Variants in TRPC6 observed in about 807,000 individuals in gnomAD.
TRPC6 encodes short transient receptor potential channel 6.
TRPC6 carries 55 observed loss-of-function variants against 90.7 expected under a neutral mutation model. The observed-to-expected ratio is 0.61, with a 90% CI of 0.49 to 0.76. The LOEUF is 0.76. TRPC6 is among the 30% of genes least tolerant of loss of function. The probability of loss-of-function intolerance (pLI) is 0.00; values close to 1 mark genes in which losing one functional copy is unlikely to be tolerated. For missense variants in TRPC6, 989 were observed against 1,122.7 expected, an observed-to-expected ratio of 0.88 and a Z score of 1.70; for synonymous variants, 393 against 393.0, an observed-to-expected ratio of 1.00 and a Z score of 0.00.
At chr11:101,475,677 CT>C (rs11295537) in intron 6 of TRPC6, among the ~76,000 whole-genome samples, 34,206 of 151,866 alleles carry the variant, frequency 0.23, 6,176 homozygotes, top group African/African-American at 0.51. Context: ...CCTTCTACTT[CT>C]TTGAGTTTGA....
At chr11:101,486,178 A>G (rs931353416) in intron 4 of TRPC6, among the ~76,000 whole-genome samples, 1 of 152,010 alleles carries the variant, frequency 6.6e-6, no homozygotes, top group African/African-American at 2.4e-5. Flanking sequence ...CGTAGCCTTT[A>G]TTTTTCTTAC....
intron 10 of TRPC6, among the ~76,000 whole-genome samples, chr11:101,465,836 T>C (rs1168494586): frequency 2.0e-5 from 3 of 152,150 alleles, no homozygotes; most frequent in Admixed American, 2.0e-4. Flanking sequence ...CCCTTGGTGG[T>C]GGGGAGTTGT....
rs148233629 is a variant in TRPC6, at chr11:101,486,890, T to C, written c.1293+2047A>G. Among the ~76,000 whole-genome samples the C allele has an allele frequency of 3.9e-3, 595 of 152,220 alleles. 2 individuals carry two copies. The highest frequency in any genetic ancestry group is 0.014 in the African/African-American group (571 of 41,564). On this transcript the variant is annotated intron_variant, in intron 4 of 12. Coordinates refer to ENST00000344327, the MANE Select transcript of TRPC6 (RefSeq NM_004621.6). Reference sequence around the variant, plus strand: ...GCAAATGGAAAACTGTAAAATAGATTTTATCATCATGCTTCAAAGATAAAA... The same window carrying C: ...GCAAATGGAAAACTGTAAAATAGATCTTATCATCATGCTTCAAAGATAAAA...
intron 1 of TRPC6, among the ~76,000 whole-genome samples, chr11:101,582,869 C>A (rs1862229157): frequency 6.6e-6 from 1 of 152,114 alleles, no homozygotes; most frequent in Admixed American, 6.5e-5. Flanking sequence ...CCGCCGGGCG[C>A]ACCCAGCACC....
intron 1 of TRPC6, among the ~76,000 whole-genome samples, chr11:101,544,543 T>C (rs1471281084): frequency 3.9e-5 from 6 of 152,156 alleles, no homozygotes; most frequent in African/African-American, 1.4e-4. Flanking sequence ...TGGAATAGTA[T>C]GCAGCCATAA....
chr11:101,505,698 C>T (rs1036505435), intron 1 of TRPC6, among the ~76,000 whole-genome samples: 2 of 152,092 alleles, frequency 1.3e-5, no homozygotes, highest in African/African-American at 2.4e-5. Flanking sequence ...CAGCCTTCAA[C>T]GTAGTCCTTC....
At position 101,491,689 on chromosome 11, in the gene TRPC6, A is replaced by G. The variant is rs1258343510; in HGVS notation, c.995T>C (p.Leu332Pro). Residue 332 changes from leucine to proline, a missense_variant, in exon 3 of 13, where the codon CTC becomes CCC. By Grantham distance (98) the Leu-to-Pro change is moderately conservative (BLOSUM62 -3). This residue lies in a region of TRPC6 where 486 missense variants were observed against 591.9 expected (regional missense o/e 0.82). Transcript: ENST00000344327. Reference sequence around the variant, plus strand: ...TTCAGTGTTTCTGCACAGATCAAGGAGTCCAACAACAAAGTCTTTGCACTG... The same window carrying G: ...TTCAGTGTTTCTGCACAGATCAAGGGGTCCAACAACAAAGTCTTTGCACTG... ...SMQCKDFVVG[L>P]LDLCRNTEEV... is the part of the protein sequence containing the mutation. 1 of 1,614,048 alleles carries G rather than the reference A, an allele frequency of 6.2e-7. No homozygotes were observed. Among genetic ancestry groups the G allele is most frequent in the African/African-American group, 1.3e-5 (1 of 75,024 alleles).
intron 6 of TRPC6, among the ~76,000 whole-genome samples, chr11:101,475,176 T>C (rs567316159): frequency 6.6e-6 from 1 of 152,328 alleles, no homozygotes; most frequent in South Asian, 2.1e-4. Flanking sequence ...ATTTCTCAAC[T>C]AATTCTAAGC....
intron 1 of TRPC6, among the ~76,000 whole-genome samples, chr11:101,578,232 G>A (rs1862114864): frequency 6.6e-6 from 1 of 152,146 alleles, no homozygotes; most frequent in South Asian, 2.1e-4. Context: ...GAACATAGTT[G>A]CCAAAAACAA....
intron 12 of TRPC6, among the ~76,000 whole-genome samples, 178 bp from the exon 13 acceptor site, chr11:101,453,284 A>G (rs547558678): frequency 5.9e-5 from 9 of 152,306 alleles, no homozygotes; most frequent in African/African-American, 1.9e-4. Context: ...TGTTTTTGTG[A>G]ATGAAGAGAT....
rs80199967 is a variant in TRPC6 at position 101,524,977 on chromosome 11, T to C, written c.171-20179A>G. On this transcript the variant is annotated intron_variant, in intron 1 of 12. Transcript: ENST00000344327. ...TTAGAAATAAAGTAGCAACAATCAA[T>C]CAAGTCTCATTGCCTCACTTAAAAT... 6.5e-3 allele frequency among the ~76,000 whole-genome samples: 987 copies of C among 152,320 alleles called. 11 individuals are homozygous for C. The highest frequency in any genetic ancestry group is 0.023 in the African/African-American group (937 of 41,578).
At chr11:101,519,912 G>C (rs1002747559) in intron 1 of TRPC6, 1 of 153,174 alleles carries the variant, frequency 6.5e-6, no homozygotes, top group Non-Finnish European at 1.5e-5. Context: ...CAGTCTCTCT[G>C]CTCCAGCCAC....
chr11:101,480,650 T>C (rs1859530669), intron 5 of TRPC6, among the ~76,000 whole-genome samples: 1 of 152,090 alleles, frequency 6.6e-6, no homozygotes. Flanking sequence ...AATAGGAAAA[T>C]AGCACTTCTT....
chr11:101,471,245 A>C lies in TRPC6; in HGVS notation c.2347T>G (p.Trp783Gly). Residue 783 changes from tryptophan to glycine, a missense_variant, in exon 9 of 13, where the codon TGG becomes GGG. Coordinates refer to ENST00000344327, the MANE Select transcript of TRPC6 (RefSeq NM_004621.6). Reference protein sequence around the residue: ...LFYLLLKLKKWISELFQGHKK... With the variant: ...LFYLLLKLKKGISELFQGHKK... ...TGGCCCTGGAACAGCTCAGAAATCC[A>C]TTTTTTAAGCTTCAGTAAGAGATAA... 6.2e-7 allele frequency: 1 copy of C among 1,613,922 alleles called. No individual in the cohort carries two copies. Among genetic ancestry groups the C allele is most frequent in the Non-Finnish European group, 8.5e-7 (1 of 1,179,874 alleles).
chr11:101,469,614 A>T, intron 9 of TRPC6, 113 bp from the exon 10 acceptor site: 1 of 624,346 alleles, frequency 1.6e-6, no homozygotes, highest in Non-Finnish European at 2.9e-6. Context: ...TGAGAGAAAC[A>T]TATTCTTACG....
At chr11:101,479,582 ACTT>A (rs1859499421) in intron 5 of TRPC6, among the ~76,000 whole-genome samples, 1 of 152,216 alleles carries the variant, frequency 6.6e-6, no homozygotes, top group African/African-American at 2.4e-5. Flanking sequence ...TAAGTAGGCC[ACTT>A]CTTATTAACA....
At chr11:101,496,649 G>A (rs539495468) in intron 2 of TRPC6, among the ~76,000 whole-genome samples, 8 of 152,280 alleles carry the variant, frequency 5.3e-5, no homozygotes, top group African/African-American at 1.9e-4. Flanking sequence ...TGTCTGGTTA[G>A]CTTTTACTCT....
At chr11:101,473,272 G>A (rs572417362) in intron 7 of TRPC6, among the ~76,000 whole-genome samples, 4 of 152,088 alleles carry the variant, frequency 2.6e-5, no homozygotes, top group African/African-American at 9.6e-5. Flanking sequence ...AGATAATAAA[G>A]GGAGGCATGC....
rs140763633 is a variant in TRPC6 at position 101,459,371 on chromosome 11, G to A, written c.2485-4270C>T. On this transcript the variant is annotated intron_variant, in intron 10 of 12. Coordinates refer to ENST00000344327, the MANE Select transcript of TRPC6 (RefSeq NM_004621.6). Reference sequence around the variant, plus strand: ...CAACAGGGAACGGCACATCTCTGTAGCTGCCAGAAGACACACTTACACAAA... The same window carrying A: ...CAACAGGGAACGGCACATCTCTGTAACTGCCAGAAGACACACTTACACAAA... Among the ~76,000 whole-genome samples the A allele has an allele frequency of 1.8e-3, 267 of 152,298 alleles. 5 individuals carry two copies. In the South Asian group the frequency reaches 0.02, roughly 11 times the overall value.
Sources: allele counts gnomAD v4.1 joint callset (sites outside exome capture counted in the v4.1 genomes callset), GRCh38; gene constraint gnomAD v4.1.1; regional missense constraint gnomAD v4.1.1; transcripts MANE v1.5; gene names NCBI Gene and HGNC (gene_info 2026-07-23, HGNC 2026-07-21).